LNX1: variants seen among roughly 807,000 people sequenced by gnomAD.
The protein encoded by LNX1 is E3 ubiquitin-protein ligase LNX.
Under a neutral mutation model 68.4 loss-of-function variants are expected in LNX1, and 54 were observed. The observed-to-expected ratio is 0.79, with a 90% CI of 0.63 to 0.99. The LOEUF (loss-of-function observed/expected upper bound fraction) is 0.99, where lower values mean the gene tolerates loss of function less well. Ranked by LOEUF, LNX1 falls within the 50% of genes least tolerant of loss-of-function variation. The probability of loss-of-function intolerance (pLI) is 0.00; values close to 1 mark genes in which losing one functional copy is unlikely to be tolerated. For synonymous variants in LNX1, 336 were observed against 350.0 expected (o/e 0.96, Z 0.45); for missense variants, 906 against 926.4 (o/e 0.98, Z 0.29).
At chr4:53,535,608 C>G (rs1408076269) in intron 2 of LNX1, among the ~76,000 whole-genome samples, 1 of 152,136 alleles carries the variant, frequency 6.6e-6, no homozygotes, top group African/African-American at 2.4e-5. Context: ...ATGTTACTAT[C>G]AATTATAAAA....
intron 1 of LNX1, among the ~76,000 whole-genome samples, chr4:53,583,932 A>AAACAACAACAACAAC (rs57272023): frequency 1.1e-4 from 16 of 149,880 alleles, no homozygotes; most frequent in Middle Eastern, 3.4e-3. Flanking sequence ...GACCCCCTGC[A>AAACAACAACAACAAC]AACAACAACA....
intron 1 of LNX1, among the ~76,000 whole-genome samples, chr4:53,588,584 C>A (rs1262114164): frequency 1.3e-5 from 2 of 152,050 alleles, no homozygotes; most frequent in African/African-American, 4.8e-5. Flanking sequence ...ACTACCCAGT[C>A]CCCCCAGTCA....
chr4:53,641,997 G>A (rs1734703620), intron 1 of LNX1, among the ~76,000 whole-genome samples: 1 of 152,086 alleles, frequency 6.6e-6, no homozygotes, highest in Admixed American at 6.6e-5. Context: ...AAGACAGGAG[G>A]ATTGCTTGAG....
chr4:53,546,984 T>G (rs1358672417), intron 2 of LNX1, among the ~76,000 whole-genome samples: 1 of 152,190 alleles, frequency 6.6e-6, no homozygotes, highest in Non-Finnish European at 1.5e-5. Context: ...TCAGCTCAAG[T>G]CAGCCATTTC....
At position 53,460,643 on chromosome 4, in the gene LNX1, A is replaced by T. The variant is rs1721819050; in HGVS notation, c.*264T>A. On this transcript the variant is annotated 3_prime_UTR_variant, in exon 11 of 11. Transcript: ENST00000263925. Reference sequence around the variant, plus strand: ...GTATACAAATCATTTTAGTTGTTTTAGGGCTTTTTATTGAATAGAAAAAAT... The same window carrying T: ...GTATACAAATCATTTTAGTTGTTTTTGGGCTTTTTATTGAATAGAAAAAAT... 2.8e-6 allele frequency: 1 copy of T among 355,812 alleles called. No individual in the cohort carries two copies. The highest frequency in any genetic ancestry group is 5.0e-6 in the Non-Finnish European group (1 of 200,692). The allele number at this position is 355,812 out of a possible 1,614,324, so 22.0% of individuals were successfully genotyped here.
chr4:53,525,039 G>A (rs1410515532), intron 2 of LNX1, among the ~76,000 whole-genome samples: 1 of 152,128 alleles, frequency 6.6e-6, no homozygotes, highest in Non-Finnish European at 1.5e-5. Flanking sequence ...TCTGTGTATT[G>A]GACAAACAGT....
intron 2 of LNX1, among the ~76,000 whole-genome samples, chr4:53,566,501 C>A (rs1373704647): frequency 6.7e-6 from 1 of 150,250 alleles, no homozygotes; most frequent in African/African-American, 2.4e-5. Context: ...GAAGGAAGCG[C>A]TAAACATGGA....
At chr4:53,613,504 G>A (rs908394947) in intron 2 of LNX1, among the ~76,000 whole-genome samples, 10 of 151,822 alleles carry the variant, frequency 6.6e-5, no homozygotes, top group East Asian at 5.8e-4. Context: ...GATCCTCTCC[G>A]TCCTCCACCC....
At chr4:53,646,871 A>T (rs143181790) in intron 1 of LNX1, among the ~76,000 whole-genome samples, 4 of 152,316 alleles carry the variant, frequency 2.6e-5, no homozygotes, top group African/African-American at 9.6e-5. Context: ...TTATTTCATT[A>T]TTGTTCCAAT....
intron 2 of LNX1, among the ~76,000 whole-genome samples, chr4:53,511,852 T>A (rs1361673712): frequency 6.6e-6 from 1 of 152,160 alleles, no homozygotes; most frequent in Non-Finnish European, 1.5e-5. Flanking sequence ...TGGGTTCCCA[T>A]GAAGAGCTCC....
intron 2 of LNX1, among the ~76,000 whole-genome samples, chr4:53,565,646 G>C (rs1315275063): frequency 2.0e-4 from 30 of 152,040 alleles, no homozygotes; most frequent in African/African-American, 6.8e-4. Context: ...AAGCTGGACA[G>C]AGAATGACTT....
At chr4:53,582,255 T>A (rs1731881313) in intron 1 of LNX1, among the ~76,000 whole-genome samples, 1 of 152,140 alleles carries the variant, frequency 6.6e-6, no homozygotes, top group Admixed American at 6.5e-5. Context: ...TCACCCAAGG[T>A]CAGAATTGAT....
chr4:53,564,685 C>A (rs13151819), intron 2 of LNX1, among the ~76,000 whole-genome samples: 2 of 151,258 alleles, frequency 1.3e-5, no homozygotes, highest in South Asian at 2.1e-4. Flanking sequence ...AGCTCCCAGC[C>A]TGAGCGACAC....
chr4:53,631,019 G>A (rs1042612877), intron 1 of LNX1, among the ~76,000 whole-genome samples: 1 of 152,210 alleles, frequency 6.6e-6, no homozygotes, highest in Non-Finnish European at 1.5e-5. Flanking sequence ...GGGGAAATGA[G>A]CCAGAACCTT....
chr4:53,492,360 T>A (rs938418908), intron 6 of LNX1, among the ~76,000 whole-genome samples: 5 of 152,086 alleles, frequency 3.3e-5, no homozygotes, highest in African/African-American at 7.2e-5. Flanking sequence ...ATGGGGCACA[T>A]GGTTAAACAT....
At chr4:53,608,418 A>G (rs1368397895) in intron 2 of LNX1, among the ~76,000 whole-genome samples, 5 of 152,224 alleles carry the variant, frequency 3.3e-5, no homozygotes, top group Non-Finnish European at 4.4e-5. Context: ...ATGTGATACC[A>G]TCTCACACCA....
At chr4:53,520,818 T>C (rs1428399242) in intron 2 of LNX1, among the ~76,000 whole-genome samples, 1 of 152,060 alleles carries the variant, frequency 6.6e-6, no homozygotes, top group Non-Finnish European at 1.5e-5. Flanking sequence ...AAAAATTAGT[T>C]GGGTGTGGTG....
intron 1 of LNX1, among the ~76,000 whole-genome samples, chr4:53,646,689 C>T (rs372862221): frequency 9.2e-5 from 14 of 152,318 alleles, no homozygotes; most frequent in Admixed American, 4.6e-4. Flanking sequence ...ATTAAAAACA[C>T]TATGCTGGCC....
At chr4:53,534,166 G>T (rs1468420549) in intron 2 of LNX1, among the ~76,000 whole-genome samples, 5 of 152,234 alleles carry the variant, frequency 3.3e-5, no homozygotes, top group African/African-American at 1.2e-4. Flanking sequence ...AGGGGGCAGG[G>T]CAGGCTGAAC....
Sources: gnomAD v4.1 joint callset for allele counts (sites outside exome capture counted in the v4.1 genomes callset) on GRCh38, gnomAD v4.1.1 for gene constraint, MANE v1.5 for transcripts, NCBI Gene and HGNC (gene_info 2026-07-23, HGNC 2026-07-21) for gene names.